Variants in ESRRG observed in about 807,000 individuals in gnomAD.
ESRRG encodes the protein estrogen related receptor gamma.
A neutral mutation model predicts 44.0 loss-of-function variants in ESRRG; 13 were observed. The ratio of observed to expected loss-of-function variants is 0.30; its 90% CI spans 0.19 to 0.47. The LOEUF (loss-of-function observed/expected upper bound fraction) is 0.47, where lower values mean the gene tolerates loss of function less well. Ranked by LOEUF, ESRRG falls within the 20% of genes least tolerant of loss-of-function variation. The probability of loss-of-function intolerance (pLI) is 1.00; values close to 1 mark genes in which losing one functional copy is unlikely to be tolerated. For missense variants in ESRRG, 395 were observed against 580.6 expected (o/e 0.68, Z 3.29); for synonymous variants, 215 against 214.6 (o/e 1.00, Z -0.02).
At chr1:216,559,447 G>A (rs2058272539) in intron 5 of ESRRG, among the ~76,000 whole-genome samples, 2 of 152,190 alleles carry the variant, frequency 1.3e-5, no homozygotes, top group Admixed American at 6.5e-5. Flanking sequence ...TTTGTGCTAT[G>A]CACATTTTTA....
Position 216,556,827 on chromosome 1 carries a change from T to C in ESRRG, c.862+7392A>G, listed in dbSNP as rs114627394. Among the ~76,000 whole-genome samples the C allele has an allele frequency of 3.8e-3, 576 of 152,292 alleles. 1 individual carries two copies. The highest frequency in any genetic ancestry group is 0.013 in the African/African-American group (543 of 41,580). ...GTTAAAAGCAGAATTTGTGCTGTAT[T>C]CATGTGTGTATCATTAGCGCACAGG... On this transcript the variant is annotated intron_variant, in intron 5 of 6. Transcript: ENST00000408911.
intron 2 of ESRRG, among the ~76,000 whole-genome samples, chr1:216,745,150 T>A (rs1453996875): frequency 6.6e-6 from 1 of 151,860 alleles, no homozygotes; most frequent in Non-Finnish European, 1.5e-5. Context: ...CCTTTTTTTG[T>A]TTTTTGTTTG....
intron 1 of ESRRG, among the ~76,000 whole-genome samples, chr1:217,030,046 C>T (rs2081831915): frequency 6.6e-6 from 1 of 152,152 alleles, no homozygotes; most frequent in Admixed American, 6.5e-5. Flanking sequence ...TACTACAGCC[C>T]TAGATTCCAC....
intron 1 of ESRRG, among the ~76,000 whole-genome samples, chr1:217,061,073 CA>C (rs2088363057): frequency 6.6e-6 from 1 of 151,382 alleles, no homozygotes; most frequent in African/African-American, 2.4e-5. Flanking sequence ...TTTTTCCCCC[CA>C]AAAAAAGTCT....
chr1:216,854,353 CAAAAAAAAA>C (rs57421256), intron 2 of ESRRG, among the ~76,000 whole-genome samples: 53 of 67,126 alleles, frequency 7.9e-4, no homozygotes, highest in Admixed American at 4.5e-4. Flanking sequence ...AAGACACCAT[CAAAAAAAAA>C]AAAAAAAAAA....
chr1:217,133,550 G>C (rs2092994916), intron 1 of ESRRG, among the ~76,000 whole-genome samples: 1 of 152,208 alleles, frequency 6.6e-6, no homozygotes, highest in South Asian at 2.1e-4. Flanking sequence ...AAAGTCCTGG[G>C]CTTTTCAAAC....
At position 216,715,497 on chromosome 1, in the gene ESRRG, A is replaced by G. The variant is rs1325879494; in HGVS notation, c.56+7747T>C. Among the ~76,000 whole-genome samples, 7 of 152,180 alleles carry G rather than the reference A, an allele frequency of 4.6e-5. 1 individual carries two copies. Among genetic ancestry groups the G allele is most frequent in the Non-Finnish European group, 1.0e-4 (7 of 68,034 alleles). Reference sequence around the variant, plus strand: ...TTTTATTTATGTGAAAATGAATACAATTTAACATGCCCATCTTACATTTTT... The same window carrying G: ...TTTTATTTATGTGAAAATGAATACAGTTTAACATGCCCATCTTACATTTTT... On this transcript the variant is annotated intron_variant, in intron 1 of 6. Coordinates refer to ENST00000408911, the MANE Select transcript of ESRRG (RefSeq NM_001438.4).
intron 5 of ESRRG, among the ~76,000 whole-genome samples, chr1:216,559,808 G>A (rs537307237): frequency 1.3e-5 from 2 of 152,194 alleles, no homozygotes; most frequent in South Asian, 4.1e-4. Context: ...TTAAAAATTT[G>A]ACTCTGTAAA....
upstream of ESRRG, among the ~76,000 whole-genome samples, chr1:217,094,215 A>T (rs2092392184): frequency 1.3e-5 from 2 of 152,340 alleles, no homozygotes; most frequent in East Asian, 3.9e-4. Flanking sequence ...AACCATGTTT[A>T]CCAGTAGCCT....
At chr1:216,878,085 A>G (rs1318046635) in intron 2 of ESRRG, among the ~76,000 whole-genome samples, 1 of 152,194 alleles carries the variant, frequency 6.6e-6, no homozygotes, top group East Asian at 1.9e-4. Flanking sequence ...AGGAGTCTCA[A>G]ATTTCCACAT....
intron 3 of ESRRG, among the ~76,000 whole-genome samples, chr1:216,596,364 C>A (rs1379368056): frequency 6.6e-6 from 1 of 152,190 alleles, no homozygotes; most frequent in African/African-American, 2.4e-5. Flanking sequence ...TGCCCAGCTT[C>A]AGAGATGGAG....
intron 2 of ESRRG, among the ~76,000 whole-genome samples, chr1:216,761,584 T>C (rs942929806): frequency 6.6e-6 from 1 of 152,130 alleles, no homozygotes; most frequent in African/African-American, 2.4e-5. Context: ...TCTCTGCCAG[T>C]GCCTACTATC....
At chr1:216,651,172 T>C in intron 2 of ESRRG, 83 bp from the exon 3 acceptor site, 2 of 850,170 alleles carry the variant, frequency 2.4e-6, no homozygotes, top group South Asian at 2.7e-5. Context: ...TCAACTCTAT[T>C]ATTCTTACTC....
At chr1:216,889,522 G>A (rs1037826003) in intron 2 of ESRRG, among the ~76,000 whole-genome samples, 4 of 152,130 alleles carry the variant, frequency 2.6e-5, no homozygotes, top group African/African-American at 7.2e-5. Flanking sequence ...AAATTAATCT[G>A]TTTATAAAAG....
At chr1:216,753,993 CTG>C (rs912295274) in intron 2 of ESRRG, among the ~76,000 whole-genome samples, 2 of 152,070 alleles carry the variant, frequency 1.3e-5, no homozygotes, top group Admixed American at 6.6e-5. Context: ...GTTATCAACT[CTG>C]TGTGGCATTT....
chr1:216,930,762 A>G (rs1446549494), intron 2 of ESRRG, among the ~76,000 whole-genome samples: 1 of 152,186 alleles, frequency 6.6e-6, no homozygotes, highest in Non-Finnish European at 1.5e-5. Flanking sequence ...AGGCTGCAGG[A>G]AGGAGGTGAC....
chr1:216,860,307 G>T (rs1310075443), intron 2 of ESRRG, among the ~76,000 whole-genome samples: 2 of 151,922 alleles, frequency 1.3e-5, no homozygotes, highest in Non-Finnish European at 2.9e-5. Flanking sequence ...GGAAAAAATA[G>T]CAGACAAAGA....
At chr1:216,742,855 A>G (rs1310492291) in intron 2 of ESRRG, among the ~76,000 whole-genome samples, 1 of 150,948 alleles carries the variant, frequency 6.6e-6, no homozygotes, top group Non-Finnish European at 1.5e-5. Flanking sequence ...TCTCCCAGAC[A>G]ATTAAAAAAA....
At chr1:216,568,775 G>C (rs1004883520) in intron 3 of ESRRG, among the ~76,000 whole-genome samples, 1 of 152,152 alleles carries the variant, frequency 6.6e-6, no homozygotes, top group Non-Finnish European at 1.5e-5. Flanking sequence ...CTTCCTAGCC[G>C]GGCGCAGTGG....
Sources: gnomAD v4.1 joint callset for allele counts (sites outside exome capture counted in the v4.1 genomes callset) on GRCh38, gnomAD v4.1.1 for gene constraint, MANE v1.5 for transcripts, NCBI Gene and HGNC (gene_info 2026-07-23, HGNC 2026-07-21) for gene names.